Variants in ANKRD40 observed in about 807,000 individuals in gnomAD.
The protein encoded by ANKRD40 is ankyrin repeat domain-containing protein 40.
A neutral mutation model predicts 35.5 loss-of-function variants in ANKRD40; 24 were observed. The observed-to-expected ratio is 0.68, with a 90% CI of 0.49 to 0.95. The LOEUF (loss-of-function observed/expected upper bound fraction) is 0.95, where lower values mean the gene tolerates loss of function less well. Among genes scored for constraint, ANKRD40 ranks in the 40% least tolerant of loss-of-function variants. The pLI, the probability that ANKRD40 is intolerant of heterozygous loss-of-function variation, is 0.00. For missense variants in ANKRD40, 361 were observed against 436.0 expected, an observed-to-expected ratio of 0.83 and a Z score of 1.53; for synonymous variants, 147 against 173.5, an observed-to-expected ratio of 0.85 and a Z score of 1.20.
intron 3 of ANKRD40, among the ~76,000 whole-genome samples, chr17:50,699,075 C>T (rs566380404): frequency 2.0e-5 from 3 of 151,434 alleles, no homozygotes; most frequent in African/African-American, 7.3e-5. Context: ...AGAAGAATCA[C>T]TTGAACCTGG....
In ANKRD40 at chr17:50,707,488, C is replaced by G. The variant is rs1012881116; in HGVS notation, c.134+33G>C. On this transcript the variant is annotated intron_variant, in intron 1 of 4. Coordinates refer to ENST00000285243, the MANE Select transcript of ANKRD40 (RefSeq NM_052855.4). The surrounding 1 kb of genome is among the most constrained non-coding windows in gnomAD (Gnocchi z 4.8). ...TGCCCCACGCCTTCCGACCGGCTGCCCTGACCCTAGGCCTCCCCCGCTCCC... is the reference window on the plus strand; with the variant it reads ...TGCCCCACGCCTTCCGACCGGCTGCGCTGACCCTAGGCCTCCCCCGCTCCC... The G allele has an allele frequency of 6.3e-7, 1 of 1,593,638 alleles. No individual in the cohort carries two copies. The highest frequency in any genetic ancestry group is 8.5e-7 in the Non-Finnish European group (1 of 1,170,124).
chr17:50,695,054 T>C lies in ANKRD40; in HGVS notation c.*943A>G, dbSNP rs527657030. The C allele has an allele frequency of 9.2e-5, 14 of 152,136 alleles. No individual in the cohort carries two copies. The highest frequency in any genetic ancestry group is 1.8e-4 in the Non-Finnish European group (12 of 68,004). 9.4% of individuals were successfully genotyped at this position (152,136 alleles called of 1,614,324 possible). ...CATAGGATGCAGTTACACACACATA[T>C]GACTGGAATCACTTCAGAGTAAAAA... On this transcript the variant is annotated 3_prime_UTR_variant, in exon 5 of 5. Coordinates refer to ENST00000285243, the MANE Select transcript of ANKRD40 (RefSeq NM_052855.4).
In ANKRD40 at chr17:50,707,840, G is replaced by A. The variant is rs1276953839; in HGVS notation, c.-186C>T. 9.8e-6 allele frequency: 2 copies of A among 205,008 alleles called. No individual in the cohort carries two copies. The highest frequency in any genetic ancestry group is 1.8e-5 in the Non-Finnish European group (2 of 114,174). 12.7% of individuals were successfully genotyped at this position (205,008 alleles called of 1,614,324 possible). A position where few individuals can be genotyped will look rare whatever the true frequency, so the allele number is the denominator to read the frequency against. On this transcript the variant is annotated 5_prime_UTR_variant, in exon 1 of 5. Transcript: ENST00000285243. The surrounding 1 kb of genome is among the most constrained non-coding windows in gnomAD (Gnocchi z 4.8). ...CCGCTCCCTCCCGCGGGCCGCCCCT[G>A]CTGCTCCCGGCCCGCAGGCCCAGGC... is the stretch of plus-strand genomic sequence containing the variant.
At chr17:50,701,457 T>C (rs1160020255) in intron 1 of ANKRD40, among the ~76,000 whole-genome samples, 1 of 152,206 alleles carries the variant, frequency 6.6e-6, no homozygotes. Flanking sequence ...ATCAGACTCA[T>C]TTAAGTAAAA....
chr17:50,698,738 G>A (rs1968228794), intron 3 of ANKRD40, among the ~76,000 whole-genome samples: 2 of 152,004 alleles, frequency 1.3e-5, no homozygotes, highest in Admixed American at 6.6e-5. Flanking sequence ...AATACAAAAG[G>A]CAATGTTTGA....
At chr17:50,697,370 G>A (rs1269961410) in intron 3 of ANKRD40, among the ~76,000 whole-genome samples, 1 of 152,172 alleles carries the variant, frequency 6.6e-6, no homozygotes, top group East Asian at 1.9e-4. Context: ...TAAGAGCAAG[G>A]CAGGGGAAAC....
At chr17:50,696,293 T>A in intron 4 of ANKRD40, 150 bp from the exon 5 acceptor site, 1 of 894,884 alleles carries the variant, frequency 1.1e-6, no homozygotes, top group Non-Finnish European at 1.6e-6. Context: ...ATAGTGCAAC[T>A]AAGGCCCCAG....
At chr17:50,700,778 A>G in intron 1 of ANKRD40, 62 bp from the exon 2 acceptor site, 1 of 1,506,306 alleles carries the variant, frequency 6.6e-7, no homozygotes, top group East Asian at 2.3e-5. Flanking sequence ...CAGATTCTAA[A>G]CATTAGTAAA....
chr17:50,706,794 T>G (rs28663561), intron 1 of ANKRD40, among the ~76,000 whole-genome samples: 41,300 of 144,804 alleles, frequency 0.29, 5,874 homozygotes, highest in Middle Eastern at 0.36. Context: ...TTCCCAGCTA[T>G]TTGGGAGGCT....
intron 3 of ANKRD40, among the ~76,000 whole-genome samples, chr17:50,698,207 G>A (rs1240846553): frequency 6.6e-6 from 1 of 151,646 alleles, no homozygotes; most frequent in Non-Finnish European, 1.5e-5. Flanking sequence ...CCAGGGTTGG[G>A]GCAGGAAAAG....
Position 50,707,625 on chromosome 17 carries a change from C to G in ANKRD40, c.30G>C (p.Gln10His), listed in dbSNP as rs1211621254. The change falls in exon 1 of 5, where the codon CAG becomes CAC. Residue 10 changes from glutamine to histidine, a missense_variant. Physicochemically the swap from Gln to His is conservative, Grantham distance 24. This residue lies in a region of ANKRD40 where 56 missense variants were observed against 47.1 expected (regional missense o/e 1.19). Transcript: ENST00000285243. The surrounding 1 kb of genome is among the most constrained non-coding windows in gnomAD (Gnocchi z 4.8). MNALLEQKE[Q>H]QERLREAAAL... ...CCGCGGCCTCCCGCAGCCTCTCCTG[C>G]TGCTCCTTCTGCTCTAGGAGGGCGT... 1 of 1,596,812 alleles carries G rather than the reference C, an allele frequency of 6.3e-7. No individual in the cohort carries two copies. The highest frequency in any genetic ancestry group is 1.1e-5 in the South Asian group (1 of 89,888).
chr17:50,699,492 T>G lies in ANKRD40; in HGVS notation c.685A>C (p.Met229Leu). Residue 229 changes from methionine to leucine, a missense_variant, in exon 3 of 5, where the codon ATG becomes CTG. This residue lies in a region of ANKRD40 where 172 missense variants were observed against 174.0 expected (regional missense o/e 0.99). Transcript: ENST00000285243. Reference protein sequence around the residue: ...LFSSVPSKPPMSLEPQNGTYA... With the variant: ...LFSSVPSKPPLSLEPQNGTYA... ...GTCCCATTTTGAGGCTCCAGAGACA[T>G]TGGTGGCTTGGACGGGACAGAAGAA... 6.2e-7 allele frequency: 1 copy of G among 1,614,056 alleles called. No individual in the cohort carries two copies. Among genetic ancestry groups the G allele is most frequent in the South Asian group, 1.1e-5 (1 of 91,074 alleles).
intron 2 of ANKRD40, 58 bp downstream of exon 2, chr17:50,700,510 T>C (rs917736239): frequency 6.8e-7 from 1 of 1,473,060 alleles, no homozygotes; most frequent in Non-Finnish European, 9.4e-7. Context: ...TAGCCAATAA[T>C]ACCACAAGTC....
rs1807656791 is a variant in ANKRD40 at position 50,693,240 on chromosome 17, C to G, written c.*2757G>C. On this transcript the variant is annotated 3_prime_UTR_variant, in exon 5 of 5. Transcript: ENST00000285243. Reference sequence around the variant, plus strand: ...TTTAATAATACTTGTTATGTTTGAACAGTCAGCAATGCACAAAGAAAAAAT... The same window carrying G: ...TTTAATAATACTTGTTATGTTTGAAGAGTCAGCAATGCACAAAGAAAAAAT... The G allele has an allele frequency of 1.3e-5, 2 of 152,142 alleles. No individual in the cohort carries two copies. The highest frequency in any genetic ancestry group is 2.9e-5 in the Non-Finnish European group (2 of 68,034). The allele number at this position is 152,142 out of a possible 1,614,324, so 9.4% of individuals were successfully genotyped here.
intron 3 of ANKRD40, 134 bp from the exon 4 acceptor site, chr17:50,697,255 G>A (rs900492925): frequency 7.6e-5 from 66 of 865,966 alleles, no homozygotes; most frequent in Non-Finnish European, 1.5e-5. Flanking sequence ...CTGTTTGGTG[G>A]GAAAACCAAG....
At chr17:50,700,761 T>C in intron 1 of ANKRD40, 45 bp from the exon 2 acceptor site, 1 of 1,563,146 alleles carries the variant, frequency 6.4e-7, no homozygotes, top group Admixed American at 1.8e-5. Context: ...GAAGTGATTT[T>C]GGATTTCAGA....
In ANKRD40 at chr17:50,707,436, C is replaced by T. The variant is rs1275615283; in HGVS notation, c.134+85G>A. On this transcript the variant is annotated intron_variant, in intron 1 of 4. Transcript: ENST00000285243. This position sits in a 1 kb window ranked among gnomAD's most constrained non-coding sequence, Gnocchi z 4.8. ...GCAGGCCTCGCCGTAGCCAGGCGTC[C>T]CGCGCTGGGCCCAGGTCGCGACTGA... 2 of 1,529,940 alleles carry T rather than the reference C, an allele frequency of 1.3e-6. No individual in the cohort carries two copies. Among genetic ancestry groups the T allele is most frequent in the Non-Finnish European group, 1.8e-6 (2 of 1,138,168 alleles). 94.8% of individuals were successfully genotyped at this position (1,529,940 alleles called of 1,614,324 possible).
Position 50,699,407 on chromosome 17 carries a change from T to A in ANKRD40, c.770A>T (p.Asn257Ile). 6.2e-7 allele frequency: 1 copy of A among 1,613,446 alleles called. No individual in the cohort carries two copies. The highest frequency in any genetic ancestry group is 8.5e-7 in the Non-Finnish European group (1 of 1,179,482). ...TGCTGATGAGGGGTTACCTTGCATATTAAATGGAAATGCTCCAGTGAAGAA... is the reference window on the plus strand; with the variant it reads ...TGCTGATGAGGGGTTACCTTGCATAATAAATGGAAATGCTCCAGTGAAGAA... ...PFFFTGAFPF[N>I]MQELVLKVRI... The change falls in exon 3 of 5, where the codon AAT becomes ATT. Residue 257 changes from asparagine to isoleucine, a missense_variant. By Grantham distance (149) the Asn-to-Ile change is moderately radical. Around this residue, in one of 5 missense-constraint regions of ANKRD40, gnomAD observed 93 missense variants for 129.6 expected, o/e 0.72. Coordinates refer to ENST00000285243, the MANE Select transcript of ANKRD40 (RefSeq NM_052855.4).
At position 50,707,790 on chromosome 17, in the gene ANKRD40, G is replaced by T. The variant is rs1425782068; in HGVS notation, c.-136C>A. ...GGAACTCGCCCGCCCTGCTCGCGCCGCTGCCCGCGCCCGCCCCGGGACTTC... is the reference window on the plus strand; with the variant it reads ...GGAACTCGCCCGCCCTGCTCGCGCCTCTGCCCGCGCCCGCCCCGGGACTTC... On this transcript the variant is annotated 5_prime_UTR_variant, in exon 1 of 5. Transcript: ENST00000285243. The surrounding 1 kb of genome is among the most constrained non-coding windows in gnomAD (Gnocchi z 4.8). 1.3e-4 allele frequency: 70 copies of T among 526,426 alleles called. No individual in the cohort carries two copies. Among genetic ancestry groups the T allele is most frequent in the Non-Finnish European group, 1.7e-4 (68 of 402,322 alleles). 32.6% of individuals were successfully genotyped at this position (526,426 alleles called of 1,614,324 possible).
Sources: allele counts gnomAD v4.1 joint callset (sites outside exome capture counted in the v4.1 genomes callset), GRCh38; gene constraint gnomAD v4.1.1; regional missense constraint gnomAD v4.1.1; non-coding constraint Gnocchi (gnomAD v3.1); transcripts MANE v1.5; gene names NCBI Gene and HGNC (gene_info 2026-07-23, HGNC 2026-07-21).